ITPKB: variants seen among roughly 807,000 people sequenced by gnomAD.
ITPKB encodes inositol-trisphosphate 3-kinase B, also known as IP3 3-kinase B.
In ITPKB, 13 loss-of-function variants were observed where a neutral mutation model predicts 69.4. That is an observed-to-expected ratio of 0.19 (90% CI 0.12 to 0.30). The LOEUF (loss-of-function observed/expected upper bound fraction) is 0.30, where lower values mean the gene tolerates loss of function less well. Among genes scored for constraint, ITPKB ranks in the 10% least tolerant of loss-of-function variants. The pLI is 1.00. For synonymous variants in ITPKB, 584 were observed against 513.7 expected, an observed-to-expected ratio of 1.14 and a Z score of -1.85; for missense variants, 1,240 against 1,250.5, an observed-to-expected ratio of 0.99 and a Z score of 0.13.
At position 226,734,175 on chromosome 1, in the gene ITPKB, C is replaced by T. The variant is rs189828280; in HGVS notation, c.1932+1352G>A. 2.7e-4 allele frequency among the ~76,000 whole-genome samples: 41 copies of T among 152,360 alleles called. No individual in the cohort carries two copies. In the East Asian group the frequency reaches 7.9e-3, roughly 29 times the overall value. On this transcript the variant is annotated intron_variant, in intron 2 of 7. Transcript: ENST00000429204. Reference sequence around the variant, plus strand: ...CCCCTCTAAAGGTGGTGCGCCTATGCCTGACAGCAGGTGCATAATGCCCAG... The same window carrying T: ...CCCCTCTAAAGGTGGTGCGCCTATGTCTGACAGCAGGTGCATAATGCCCAG...
intron 2 of ITPKB, among the ~76,000 whole-genome samples, chr1:226,728,298 A>G (rs978549104): frequency 2.0e-5 from 3 of 152,224 alleles, no homozygotes; most frequent in African/African-American, 7.2e-5. Flanking sequence ...ATGGGTTTCT[A>G]CTAAGTGATA....
intron 2 of ITPKB, among the ~76,000 whole-genome samples, chr1:226,665,449 G>A (rs908833174): frequency 3.9e-5 from 6 of 152,238 alleles, no homozygotes; most frequent in Non-Finnish European, 8.8e-5. Flanking sequence ...AAACTGTAGG[G>A]AGGACTAGGT....
intron 7 of ITPKB, among the ~76,000 whole-genome samples, chr1:226,636,750 CTCTGTGTG>C (rs1166921342): frequency 6.6e-5 from 8 of 121,370 alleles, no homozygotes; most frequent in East Asian, 4.5e-4. Context: ...AGGACTGCAG[CTCTGTGTG>C]TGTGTGTGTG....
chr1:226,733,307 T>TG (rs1283253181), intron 2 of ITPKB, among the ~76,000 whole-genome samples: 1 of 152,086 alleles, frequency 6.6e-6, no homozygotes, highest in Non-Finnish European at 1.5e-5. Context: ...ACAGAGCTGG[T>TG]GGGGCTTTTA....
intron 2 of ITPKB, among the ~76,000 whole-genome samples, chr1:226,722,340 A>G (rs17590104): frequency 0.022 from 3,337 of 152,330 alleles, 57 homozygotes; most frequent in Non-Finnish European, 0.034. Context: ...GTGACTGACC[A>G]GAAAATCTAG....
At chr1:226,711,328 T>C (rs767562517) in intron 2 of ITPKB, among the ~76,000 whole-genome samples, 2 of 152,030 alleles carry the variant, frequency 1.3e-5, no homozygotes, top group African/African-American at 2.4e-5. Context: ...TCTTGAGATG[T>C]TGCCAAGGTA....
intron 2 of ITPKB, 29 bp from the exon 3 acceptor site, chr1:226,648,800 A>G (rs759013100): frequency 5.6e-6 from 8 of 1,416,094 alleles, no homozygotes; most frequent in African/African-American, 1.4e-5. Flanking sequence ...AAAGCTCTAC[A>G]TTAGAAAGAC....
chr1:226,700,615 C>A (rs1656615246), intron 2 of ITPKB, among the ~76,000 whole-genome samples: 1 of 151,766 alleles, frequency 6.6e-6, no homozygotes, highest in Non-Finnish European at 1.5e-5. Context: ...TGAGTTCCCA[C>A]ATAAACCCAA....
chr1:226,717,080 A>G (rs1657114681), intron 2 of ITPKB, among the ~76,000 whole-genome samples: 1 of 152,156 alleles, frequency 6.6e-6, no homozygotes, highest in Non-Finnish European at 1.5e-5. Flanking sequence ...CATGTATATC[A>G]CCGGGCAGAA....
At chr1:226,697,508 G>A (rs1656517801) in intron 2 of ITPKB, among the ~76,000 whole-genome samples, 1 of 152,230 alleles carries the variant, frequency 6.6e-6, no homozygotes, top group African/African-American at 2.4e-5. Flanking sequence ...ATGGGTGTCA[G>A]AGGTCAGGTG....
intron 2 of ITPKB, among the ~76,000 whole-genome samples, chr1:226,675,585 T>C (rs1296653413): frequency 6.6e-6 from 1 of 152,222 alleles, no homozygotes; most frequent in Non-Finnish European, 1.5e-5. Flanking sequence ...TCAGAAGACC[T>C]GGGCTTTAGT....
Position 226,736,480 on chromosome 1 carries a change from A to C in ITPKB, c.979T>G (p.Ser327Ala), listed in dbSNP as rs967186920. Residue 327 changes from serine to alanine, a missense_variant, in exon 2 of 8, where the codon TCT (serine) becomes GCT (alanine). By Grantham distance (99) the Ser-to-Ala change is moderately conservative. Around this residue, in one of 2 missense-constraint regions of ITPKB, gnomAD observed 992 missense variants for 853.8 expected, o/e 1.16. Coordinates refer to ENST00000429204, the MANE Select transcript of ITPKB (RefSeq NM_002221.4). ...RPQDLALTEPSGRARELEDLQ... is the reference protein window; with the variant it reads ...RPQDLALTEPAGRARELEDLQ... ...TCCTCAAGCTCACGGGCTCTCCCAGACGGCTCAGTGAGGGCAAGATCCTGT... is the reference window on the plus strand; with the variant it reads ...TCCTCAAGCTCACGGGCTCTCCCAGCCGGCTCAGTGAGGGCAAGATCCTGT... 1 of 1,613,866 alleles carries C rather than the reference A, an allele frequency of 6.2e-7. No homozygotes were observed. The highest frequency in any genetic ancestry group is 8.5e-7 in the Non-Finnish European group (1 of 1,180,028).
At chr1:226,699,643 A>G (rs532687529) in intron 2 of ITPKB, among the ~76,000 whole-genome samples, 2 of 152,366 alleles carry the variant, frequency 1.3e-5, no homozygotes, top group South Asian at 4.1e-4. Flanking sequence ...GTTAGTCAGT[A>G]TCATCTTTAC....
Position 226,704,183 on chromosome 1 carries a change from AGAGT to A in ITPKB, c.1932+31340_1932+31343del, listed in dbSNP as rs574019152. On this transcript the variant is annotated intron_variant, in intron 2 of 7. Coordinates refer to ENST00000429204, the MANE Select transcript of ITPKB (RefSeq NM_002221.4). ...CCGTTTACCTTTACAGTATGAAAAAAGAGTGACTACGAAATAAAGAATATAAACA... is the reference window on the plus strand; with the variant it reads ...CCGTTTACCTTTACAGTATGAAAAAAGACTACGAAATAAAGAATATAAACA... Among the ~76,000 whole-genome samples the A allele has an allele frequency of 7.3e-4, 111 of 152,356 alleles. 1 individual carries two copies. Among genetic ancestry groups the A allele is most frequent in the African/African-American group, 2.5e-3 (103 of 41,582 alleles).
Position 226,637,856 on chromosome 1 carries a change from T to C in ITPKB, c.2554-106A>G. ...TCCCTCCCGTGAATGTGCTTTACCCTAAACGCCGGACATCTAGAGGCAGCT... is the reference window on the plus strand; with the variant it reads ...TCCCTCCCGTGAATGTGCTTTACCCCAAACGCCGGACATCTAGAGGCAGCT... On this transcript the variant is annotated intron_variant, in intron 6 of 7. Transcript: ENST00000429204. This position sits in a 1 kb window ranked among gnomAD's most constrained non-coding sequence, Gnocchi z 4.3. The C allele has an allele frequency of 1.2e-6, 1 of 806,390 alleles. No individual in the cohort carries two copies. The allele number at this position is 806,390 out of a possible 1,614,324, so 50.0% of individuals were successfully genotyped here. A position where few individuals can be genotyped will look rare whatever the true frequency, so the allele number is the denominator to read the frequency against.
chr1:226,709,798 C>G (rs113341417), intron 2 of ITPKB, among the ~76,000 whole-genome samples: 1 of 152,180 alleles, frequency 6.6e-6, no homozygotes, highest in Non-Finnish European at 1.5e-5. Context: ...CCATGTCTTA[C>G]GGCATGATAC....
At chr1:226,704,239 T>C (rs780704513) in intron 2 of ITPKB, among the ~76,000 whole-genome samples, 61 of 152,170 alleles carry the variant, frequency 4.0e-4, no homozygotes, top group Non-Finnish European at 8.2e-4. Flanking sequence ...TTCAGAAAAA[T>C]GTTTAGCATG....
intron 2 of ITPKB, among the ~76,000 whole-genome samples, chr1:226,673,476 T>C (rs1340758019): frequency 6.6e-6 from 1 of 152,120 alleles, no homozygotes; most frequent in Admixed American, 6.5e-5. Context: ...ACAAGGGCCT[T>C]GGTTAGTCTA....
chr1:226,677,070 A>T (rs1482399818), intron 2 of ITPKB, among the ~76,000 whole-genome samples: 1 of 152,182 alleles, frequency 6.6e-6, no homozygotes, highest in African/African-American at 2.4e-5. Flanking sequence ...CTAGCTTGGA[A>T]GCCTGGAGCA....
Sources: allele counts gnomAD v4.1 joint callset (sites outside exome capture counted in the v4.1 genomes callset), GRCh38; gene constraint gnomAD v4.1.1; regional missense constraint gnomAD v4.1.1; non-coding constraint Gnocchi (gnomAD v3.1); transcripts MANE v1.5; gene names NCBI Gene and HGNC (gene_info 2026-07-23, HGNC 2026-07-21).